The following CA10 variants were observed in gnomAD, a reference collection of about 807,000 sequenced individuals.
CA10 encodes the protein carbonic anhydrase 10 (inactive).
Under a neutral mutation model 44.2 loss-of-function variants are expected in CA10, and 14 were observed. The ratio of observed to expected loss-of-function variants is 0.32; its 90% CI spans 0.21 to 0.50. CA10 has a LOEUF of 0.50. Among genes scored for constraint, CA10 ranks in the 20% least tolerant of loss-of-function variants. The pLI is 0.99. For missense variants in CA10, 350 were observed against 409.7 expected (o/e 0.85, Z 1.26); for synonymous variants, 159 against 141.6 (o/e 1.12, Z -0.87).
chr17:51,876,160 GTTTTTTTTT>G (rs3033579), intron 3 of CA10, among the ~76,000 whole-genome samples: 5 of 59,762 alleles, frequency 8.4e-5, no homozygotes, highest in East Asian at 1.1e-3. Context: ...TTCTTCTCTC[GTTTTTTTTT>G]TTTTTTTTTT....
At chr17:51,662,156 T>A (rs768858355) in intron 4 of CA10, among the ~76,000 whole-genome samples, 17 of 152,344 alleles carry the variant, frequency 1.1e-4, no homozygotes, top group Non-Finnish European at 2.4e-4. Context: ...AAGCTCTCCC[T>A]TTCCTTTAAA....
chr17:51,641,576 A>G (rs1913088994), intron 6 of CA10, among the ~76,000 whole-genome samples: 2 of 152,138 alleles, frequency 1.3e-5, no homozygotes, highest in African/African-American at 2.4e-5. Flanking sequence ...TTATCACCCA[A>G]TTTTATTATT....
At chr17:51,761,021 G>A (rs1053344971) in intron 3 of CA10, among the ~76,000 whole-genome samples, 1 of 152,124 alleles carries the variant, frequency 6.6e-6, no homozygotes, top group Non-Finnish European at 1.5e-5. Context: ...TGTGGCTAGT[G>A]GCTGCCATAC....
chr17:51,665,287 T>C (rs994582497), intron 4 of CA10, among the ~76,000 whole-genome samples: 4 of 151,564 alleles, frequency 2.6e-5, no homozygotes, highest in South Asian at 4.2e-4. Flanking sequence ...GGATTGACTG[T>C]AGGGGATGAA....
At chr17:52,147,270 A>G (rs1324516740) in intron 1 of CA10, among the ~76,000 whole-genome samples, 2 of 152,134 alleles carry the variant, frequency 1.3e-5, no homozygotes, top group African/African-American at 4.8e-5. Context: ...GGCTTCACTC[A>G]TGTCTGTGAC....
chr17:52,020,120 G>C (rs905622826), intron 2 of CA10, among the ~76,000 whole-genome samples: 1 of 151,862 alleles, frequency 6.6e-6, no homozygotes, highest in South Asian at 2.1e-4. Context: ...TATCTTTTTA[G>C]TGGATTGACC....
intron 6 of CA10, 52 bp downstream of exon 6, chr17:51,649,130 A>G: frequency 3.0e-6 from 4 of 1,332,318 alleles, no homozygotes; most frequent in African/African-American, 1.4e-5. Flanking sequence ...GCCTTCAGGC[A>G]GGTCTAACCT....
rs1031470165 is a variant in CA10, at chr17:51,765,709, GTGTGTGTGTGTGTGTA to G, written c.280-17907_280-17892del. ...CAGCTCCCTGTGTGTGTGTGTGTGT[GTGTGTGTGTGTGTGTA>G]TGTGTGTGTGCATGCATGTGTTTAG... On this transcript the variant is annotated intron_variant, in intron 3 of 8. Coordinates refer to ENST00000451037, the MANE Select transcript of CA10 (RefSeq NM_020178.5). Among the ~76,000 whole-genome samples, 15 of 145,900 alleles carry G rather than the reference GTGTGTGTGTGTGTGTA, an allele frequency of 1.0e-4. No homozygotes were observed. The South Asian group carries it at 1.3e-3, about 12-fold the overall frequency.
At chr17:51,688,866 A>G (rs1405293538) in intron 4 of CA10, among the ~76,000 whole-genome samples, 1 of 152,214 alleles carries the variant, frequency 6.6e-6, no homozygotes, top group Non-Finnish European at 1.5e-5. Flanking sequence ...CTCTTCTACC[A>G]TATACAATCC....
intron 3 of CA10, among the ~76,000 whole-genome samples, chr17:51,868,391 GTGCTTAC>G (rs2042032133): frequency 6.6e-6 from 1 of 152,062 alleles, no homozygotes; most frequent in African/African-American, 2.4e-5. Context: ...TGCTTAGAAG[GTGCTTAC>G]TGCTTTAAGC....
chr17:51,932,936 T>C (rs943289131), intron 2 of CA10, among the ~76,000 whole-genome samples: 1 of 152,120 alleles, frequency 6.6e-6, no homozygotes, highest in Admixed American at 6.6e-5. Flanking sequence ...CTTGATCTTA[T>C]ATTTATTTAT....
chr17:51,633,680 A>ACCC (rs59307927), intron 7 of CA10, 30 bp from the exon 8 acceptor site: 300,925 of 1,606,552 alleles, frequency 0.19, 29,281 homozygotes, highest in Admixed American at 0.23. Flanking sequence ...CGTGAGATCC[A>ACCC]ACCATCCTCT....
chr17:51,931,002 C>T lies in CA10; in HGVS notation c.267G>A (p.Thr89=), dbSNP rs556166013. ...TATGGTGGCTTACCTTCCTGCCCCC[C>T]GTGTTGATGCGAAGAGGTGTCAGAA... The part of the protein sequence containing the change: ...DPFLTPLRIN[T]GGRKVSGTMY... Residue 89 remains threonine (T), a synonymous_variant, in exon 3 of 9, where the codon ACG becomes ACA. Coordinates refer to ENST00000451037, the MANE Select transcript of CA10 (RefSeq NM_020178.5). 1.7e-5 allele frequency: 27 copies of T among 1,613,160 alleles called. No individual in the cohort carries two copies. The highest frequency in any genetic ancestry group is 1.5e-4 in the South Asian group (14 of 91,006).
intron 3 of CA10, among the ~76,000 whole-genome samples, chr17:51,777,699 T>G (rs1309009470): frequency 6.6e-6 from 1 of 152,188 alleles, no homozygotes; most frequent in African/African-American, 2.4e-5. Flanking sequence ...ATCCCAGCAC[T>G]TCGGGTGGAC....
chr17:51,677,298 G>A lies in CA10; in HGVS notation c.466-23562C>T, dbSNP rs116668785. Among the ~76,000 whole-genome samples the A allele has an allele frequency of 4.6e-3, 702 of 152,238 alleles. 7 individuals are homozygous for A. Among genetic ancestry groups the A allele is most frequent in the African/African-American group, 0.016 (647 of 41,528 alleles). Reference sequence around the variant, plus strand: ...GGGCGGAGTTCTCATGAATGGTTTAGCACCATCCACTGTGGGCCGTTCTTG... The same window carrying A: ...GGGCGGAGTTCTCATGAATGGTTTAACACCATCCACTGTGGGCCGTTCTTG... On this transcript the variant is annotated intron_variant, in intron 4 of 8. Coordinates refer to ENST00000451037, the MANE Select transcript of CA10 (RefSeq NM_020178.5).
At chr17:52,132,043 G>A (rs1335398004) in intron 1 of CA10, among the ~76,000 whole-genome samples, 1 of 151,848 alleles carries the variant, frequency 6.6e-6, no homozygotes, top group Non-Finnish European at 1.5e-5. Flanking sequence ...ATAGCATTAG[G>A]AGATATACCT....
intron 3 of CA10, among the ~76,000 whole-genome samples, chr17:51,834,670 T>C (rs1908409564): frequency 6.6e-6 from 1 of 152,312 alleles, no homozygotes; most frequent in South Asian, 2.1e-4. Flanking sequence ...AATAAGGCTT[T>C]AGTGTCACAC....
At chr17:51,949,601 C>G (rs1415874769) in intron 2 of CA10, among the ~76,000 whole-genome samples, 1 of 152,126 alleles carries the variant, frequency 6.6e-6, no homozygotes, top group Non-Finnish European at 1.5e-5. Context: ...GGCCAAGATT[C>G]CACGCCAAAG....
At chr17:52,140,251 A>C (rs2143380422) in intron 1 of CA10, among the ~76,000 whole-genome samples, 1 of 152,332 alleles carries the variant, frequency 6.6e-6, no homozygotes, top group African/African-American at 2.4e-5. Context: ...CTTCAATAAA[A>C]GTTTATATTA....
Sources: gnomAD v4.1 joint callset for allele counts (sites outside exome capture counted in the v4.1 genomes callset) on GRCh38, gnomAD v4.1.1 for gene constraint, MANE v1.5 for transcripts, NCBI Gene and HGNC (gene_info 2026-07-23, HGNC 2026-07-21) for gene names.